Variants in GAS7 observed in about 807,000 individuals in gnomAD.
GAS7 encodes the protein growth arrest-specific protein 7.
Under a neutral mutation model 71.1 loss-of-function variants are expected in GAS7, and 28 were observed. The ratio of observed to expected loss-of-function variants is 0.39; its 90% CI spans 0.29 to 0.54. The LOEUF (loss-of-function observed/expected upper bound fraction) is 0.54. Ranked by LOEUF, GAS7 falls within the 20% of genes least tolerant of loss-of-function variation. The pLI is 0.62. For synonymous variants in GAS7, 258 were observed against 245.8 expected (o/e 1.05, Z -0.46); for missense variants, 436 against 627.8 (o/e 0.69, Z 3.27).
intron 3 of GAS7, among the ~76,000 whole-genome samples, chr17:9,976,491 G>A (rs1252838552): frequency 1.3e-5 from 2 of 152,232 alleles, no homozygotes; most frequent in East Asian, 1.9e-4. Context: ...AGAAGAAGGT[G>A]TGGGCGAGGG....
At chr17:10,092,148 A>T (rs765537831) in intron 1 of GAS7, among the ~76,000 whole-genome samples, 6 of 151,862 alleles carry the variant, frequency 4.0e-5, no homozygotes, top group African/African-American at 1.5e-4. Flanking sequence ...CTGACTTCGC[A>T]CATGTATTCT....
rs1367807193 is a variant in GAS7 at position 9,910,652 on chromosome 17, T to C, written c.*6576A>G. On this transcript the variant is annotated 3_prime_UTR_variant, in exon 14 of 14. Coordinates refer to ENST00000432992, the MANE Select transcript of GAS7 (RefSeq NM_201433.2). ...TATAATAATGCAGGACAACTGTATA[T>C]AGCAAACGCCTTCAAAATTTAAACT... 5 of 200,276 alleles carry C rather than the reference T, an allele frequency of 2.5e-5. No individual in the cohort carries two copies. The highest frequency in any genetic ancestry group is 4.6e-5 in the African/African-American group (2 of 43,302). The allele number at this position is 200,276 out of a possible 1,614,324, so 12.4% of individuals were successfully genotyped here. A position where few individuals can be genotyped will look rare whatever the true frequency, so the allele number is the denominator to read the frequency against.
At chr17:10,188,343 GT>G (rs1243467621) in intron 1 of GAS7, among the ~76,000 whole-genome samples, 1 of 152,168 alleles carries the variant, frequency 6.6e-6, no homozygotes, top group Non-Finnish European at 1.5e-5. Context: ...GTTCCTTCTG[GT>G]GTACATTGAG....
intron 5 of GAS7, among the ~76,000 whole-genome samples, chr17:9,949,079 G>A (rs915294462): frequency 2.0e-5 from 3 of 152,076 alleles, no homozygotes; most frequent in African/African-American, 7.2e-5. Context: ...GGGACAGGAG[G>A]GCGGACAGCG....
chr17:10,037,508 G>C (rs1396772844), intron 1 of GAS7, among the ~76,000 whole-genome samples: 1 of 151,320 alleles, frequency 6.6e-6, no homozygotes, highest in African/African-American at 2.4e-5. Context: ...TCCCTATTAA[G>C]CAAATGGATA....
intron 1 of GAS7, among the ~76,000 whole-genome samples, chr17:10,063,863 A>AG (rs946294140): frequency 3.9e-5 from 6 of 152,074 alleles, no homozygotes; most frequent in Admixed American, 2.6e-4. Context: ...ACGGGTGGTG[A>AG]GGGGGGCAGA....
intron 1 of GAS7, among the ~76,000 whole-genome samples, chr17:10,132,033 G>A (rs2074001302): frequency 6.6e-6 from 1 of 151,154 alleles, no homozygotes; most frequent in Non-Finnish European, 1.5e-5. Flanking sequence ...ATGAACATAT[G>A]AATACATGTA....
At chr17:9,937,273 C>T (rs2068434906) in intron 8 of GAS7, among the ~76,000 whole-genome samples, 1 of 152,218 alleles carries the variant, frequency 6.6e-6, no homozygotes, top group Non-Finnish European at 1.5e-5. Flanking sequence ...GTAGTGTGGG[C>T]CTGACTTATG....
intron 3 of GAS7, among the ~76,000 whole-genome samples, chr17:9,971,479 A>G (rs1241512211): frequency 6.6e-6 from 1 of 152,046 alleles, no homozygotes; most frequent in Non-Finnish European, 1.5e-5. Flanking sequence ...GTGGGAGGAT[A>G]GCTTGAGCCT....
chr17:9,929,513 C>T (rs977906443), intron 9 of GAS7, among the ~76,000 whole-genome samples: 4 of 152,166 alleles, frequency 2.6e-5, no homozygotes, highest in African/African-American at 9.7e-5. Flanking sequence ...CTCACTCTGT[C>T]TCCCAGGCTG....
chr17:10,164,618 T>G (rs1251151805), intron 1 of GAS7, among the ~76,000 whole-genome samples: 1 of 150,742 alleles, frequency 6.6e-6, no homozygotes, highest in Non-Finnish European at 1.5e-5. Flanking sequence ...TGAGCCATGA[T>G]CATACCTGTG....
Position 10,057,830 on chromosome 17 carries a change from T to C in GAS7, c.184-37933A>G, listed in dbSNP as rs541797154. On this transcript the variant is annotated intron_variant, in intron 1 of 13. Coordinates refer to ENST00000432992, the MANE Select transcript of GAS7 (RefSeq NM_201433.2). Reference sequence around the variant, plus strand: ...AAAAGGGGGAAATGTGGGGAAAAGATAGAGAAATCAGATTGTTGCTGTGTC... The same window carrying C: ...AAAAGGGGGAAATGTGGGGAAAAGACAGAGAAATCAGATTGTTGCTGTGTC... 6.6e-5 allele frequency among the ~76,000 whole-genome samples: 10 copies of C among 152,322 alleles called. 1 individual carries two copies. The South Asian group carries it at 1.0e-3, about 16-fold the overall frequency.
chr17:9,977,493 G>C (rs1048155477), intron 3 of GAS7, among the ~76,000 whole-genome samples: 4 of 152,146 alleles, frequency 2.6e-5, no homozygotes, highest in African/African-American at 9.7e-5. Context: ...AGCCCAAAGA[G>C]GACTTTCAAT....
chr17:10,197,169 T>C (rs2074546439), intron 1 of GAS7, among the ~76,000 whole-genome samples: 1 of 151,972 alleles, frequency 6.6e-6, no homozygotes, highest in Non-Finnish European at 1.5e-5. Context: ...CTTTCTTTCT[T>C]CCCCCCGCCC....
Position 9,926,799 on chromosome 17 carries a change from G to A in GAS7, c.886-30C>T. The stretch of plus-strand genomic sequence containing the variant: ...TGGGAGAGTAGAGACGCACACTCAG[G>A]ACCCAGGGCATCAGCTGTAAGCCAG... On this transcript the variant is annotated intron_variant, in intron 9 of 13. Coordinates refer to ENST00000432992, the MANE Select transcript of GAS7 (RefSeq NM_201433.2). This position sits in a 1 kb window ranked among gnomAD's most constrained non-coding sequence, Gnocchi z 5.0. The A allele has an allele frequency of 6.2e-7, 1 of 1,613,516 alleles. No individual in the cohort carries two copies. The highest frequency in any genetic ancestry group is 8.5e-7 in the Non-Finnish European group (1 of 1,179,514).
At chr17:10,133,551 T>C (rs1347608800) in intron 1 of GAS7, among the ~76,000 whole-genome samples, 1 of 152,226 alleles carries the variant, frequency 6.6e-6, no homozygotes, top group Non-Finnish European at 1.5e-5. Flanking sequence ...ACATACTTAT[T>C]TGTGGTGAGA....
intron 5 of GAS7, 117 bp from the exon 6 acceptor site, chr17:9,947,100 G>T: frequency 1.6e-6 from 1 of 636,956 alleles, no homozygotes; most frequent in East Asian, 3.0e-5. Context: ...AACACGCACA[G>T]GGATCTTCCC....
intron 2 of GAS7, among the ~76,000 whole-genome samples, chr17:10,018,794 G>T (rs1470764937): frequency 1.3e-5 from 2 of 152,162 alleles, no homozygotes; most frequent in Non-Finnish European, 2.9e-5. Context: ...GGAAGGGGTG[G>T]TCATGTAGTC....
chr17:9,939,086 T>C (rs1046357799), intron 8 of GAS7, among the ~76,000 whole-genome samples: 2 of 152,224 alleles, frequency 1.3e-5, no homozygotes, highest in African/African-American at 4.8e-5. Context: ...ATTATGAATA[T>C]TGCTGCTGTG....
Sources: gnomAD v4.1 joint callset for allele counts (sites outside exome capture counted in the v4.1 genomes callset) on GRCh38, gnomAD v4.1.1 for gene constraint, Gnocchi (gnomAD v3.1) non-coding constraint, MANE v1.5 for transcripts, NCBI Gene and HGNC (gene_info 2026-07-23, HGNC 2026-07-21) for gene names.